The following KCNQ5 variants were observed in gnomAD, a reference collection of about 807,000 sequenced individuals.
The protein encoded by KCNQ5 is potassium voltage-gated channel subfamily KQT member 5.
Under a neutral mutation model 98.2 loss-of-function variants are expected in KCNQ5, and 30 were observed. That is an observed-to-expected ratio of 0.31 (90% CI 0.23 to 0.41). KCNQ5 has a LOEUF of 0.41. Among genes scored for constraint, KCNQ5 ranks in the 10% least tolerant of loss-of-function variants. The pLI is 1.00. For synonymous variants in KCNQ5, 458 were observed against 449.4 expected, an observed-to-expected ratio of 1.02 and a Z score of -0.24; for missense variants, 835 against 1,182.5, an observed-to-expected ratio of 0.71 and a Z score of 4.31.
chr6:72,662,406 TGTG>T (rs1445028739), intron 1 of KCNQ5, among the ~76,000 whole-genome samples: 2 of 152,188 alleles, frequency 1.3e-5, no homozygotes, highest in Non-Finnish European at 2.9e-5. Flanking sequence ...CAATCAGAAA[TGTG>T]GTGATGATAT....
intron 1 of KCNQ5, among the ~76,000 whole-genome samples, chr6:72,708,421 C>T: frequency 6.6e-6 from 1 of 152,256 alleles, no homozygotes; most frequent in African/African-American, 2.4e-5. Context: ...AAAAGGGAAA[C>T]TTCTTTTAGA....
chr6:73,157,751 T>C (rs1041242637), intron 10 of KCNQ5: 2 of 778,360 alleles, frequency 2.6e-6, no homozygotes, highest in Admixed American at 3.4e-5. Context: ...ATGAAGTAAG[T>C]GTGCTCCTAG....
chr6:73,085,990 A>T (rs1201958449), intron 5 of KCNQ5, among the ~76,000 whole-genome samples: 1 of 152,210 alleles, frequency 6.6e-6, no homozygotes, highest in African/African-American at 2.4e-5. Flanking sequence ...AGTATAGTAG[A>T]TTAATATCTG....
intron 1 of KCNQ5, among the ~76,000 whole-genome samples, chr6:72,728,830 T>A (rs972980206): frequency 1.3e-5 from 2 of 152,218 alleles, no homozygotes; most frequent in African/African-American, 4.8e-5. Context: ...TCTTGAGATT[T>A]CTAAAGTTCT....
At chr6:73,050,538 G>C (rs780750947) in intron 3 of KCNQ5, among the ~76,000 whole-genome samples, 1 of 152,068 alleles carries the variant, frequency 6.6e-6, no homozygotes, top group African/African-American at 2.4e-5. Context: ...TCAAAACCAG[G>C]ATATGAATAC....
chr6:72,734,033 G>A (rs953716820), intron 1 of KCNQ5, among the ~76,000 whole-genome samples: 9 of 152,190 alleles, frequency 5.9e-5, no homozygotes, highest in African/African-American at 2.2e-4. Flanking sequence ...TTGTTGGTTT[G>A]GGCAATAAAG....
chr6:72,891,618 T>G (rs1475335882), intron 1 of KCNQ5, among the ~76,000 whole-genome samples: 1 of 152,202 alleles, frequency 6.6e-6, no homozygotes, highest in African/African-American at 2.4e-5. Flanking sequence ...ATGTAATGAA[T>G]GCCTCAAAAA....
At chr6:73,024,381 T>TAGATAGATTAGATAGATAGATAGATA (rs57909943) in intron 2 of KCNQ5, among the ~76,000 whole-genome samples, 1 of 120,548 alleles carries the variant, frequency 8.3e-6, no homozygotes, top group Admixed American at 8.7e-5. Context: ...GATAGATAGA[T>TAGATAGATTAGATAGATAGATAGATA]GATAGATAGA....
At chr6:72,683,757 TAA>T (rs139944317) in intron 1 of KCNQ5, among the ~76,000 whole-genome samples, 11 of 144,588 alleles carry the variant, frequency 7.6e-5, no homozygotes, top group African/African-American at 1.5e-4. Flanking sequence ...TTTGGTGTGG[TAA>T]AAAAAAAAAA....
chr6:72,954,665 G>A (rs900246996), intron 1 of KCNQ5, among the ~76,000 whole-genome samples: 4 of 152,006 alleles, frequency 2.6e-5, no homozygotes, highest in African/African-American at 9.7e-5. Context: ...AGTCAGGGGT[G>A]GCAGGAATTT....
chr6:73,092,201 G>A (rs1258250115), intron 5 of KCNQ5, among the ~76,000 whole-genome samples: 2 of 152,008 alleles, frequency 1.3e-5, no homozygotes, highest in Non-Finnish European at 2.9e-5. Context: ...GTGTATAGAA[G>A]AGATACTGAT....
chr6:72,811,659 C>G (rs923089840), intron 1 of KCNQ5, among the ~76,000 whole-genome samples: 1 of 152,114 alleles, frequency 6.6e-6, no homozygotes, highest in Non-Finnish European at 1.5e-5. Flanking sequence ...AAGGATGATT[C>G]TTTCTGCCCC....
intron 1 of KCNQ5, among the ~76,000 whole-genome samples, chr6:72,704,369 G>T (rs551957732): frequency 6.8e-4 from 103 of 151,966 alleles, no homozygotes; most frequent in Non-Finnish European, 1.2e-3. Flanking sequence ...TTCACAATGT[G>T]CATGCTCTCT....
chr6:72,669,796 C>G (rs961223134), intron 1 of KCNQ5, among the ~76,000 whole-genome samples: 3 of 152,086 alleles, frequency 2.0e-5, no homozygotes, highest in African/African-American at 7.2e-5. Context: ...CCTGGCTGTG[C>G]TGAGATGGCT....
Position 72,853,468 on chromosome 6 carries a change from C to T in KCNQ5, c.399-150440C>T, listed in dbSNP as rs1362294489. On this transcript the variant is annotated intron_variant, in intron 1 of 13. Coordinates refer to ENST00000370398, the MANE Select transcript of KCNQ5 (RefSeq NM_019842.4). ...AAGCAATTCTCCTGTCTCAACCACC[C>T]GAGAAGCTGGGACTACAGGCACGTG... Among the ~76,000 whole-genome samples, 3 of 152,090 alleles carry T rather than the reference C, an allele frequency of 2.0e-5. 1 individual carries two copies. The highest frequency in any genetic ancestry group is 4.4e-5 in the Non-Finnish European group (3 of 68,028).
chr6:73,056,723 T>C (rs1307747723), intron 3 of KCNQ5, among the ~76,000 whole-genome samples: 2 of 152,098 alleles, frequency 1.3e-5, no homozygotes, highest in East Asian at 1.9e-4. Flanking sequence ...CTGTACTAAA[T>C]CCTTTTTCCA....
At chr6:72,717,475 T>C (rs945183606) in intron 1 of KCNQ5, among the ~76,000 whole-genome samples, 1 of 152,212 alleles carries the variant, frequency 6.6e-6, no homozygotes, top group African/African-American at 2.4e-5. Context: ...GAGAAATGGG[T>C]GACCACTCTA....
At chr6:72,971,912 C>A (rs1457445157) in intron 1 of KCNQ5, among the ~76,000 whole-genome samples, 1 of 152,078 alleles carries the variant, frequency 6.6e-6, no homozygotes, top group African/African-American at 2.4e-5. Context: ...GAGTGTAGCA[C>A]ACCAACATGG....
Position 72,939,693 on chromosome 6 carries a change from G to A in KCNQ5, c.399-64215G>A, listed in dbSNP as rs549675589. On this transcript the variant is annotated intron_variant, in intron 1 of 13. Transcript: ENST00000370398. ...CACTCACTCAACACATACTTGTCAG[G>A]CCTTATTATCTACTTAAACTTGATG... 9.3e-4 allele frequency among the ~76,000 whole-genome samples: 142 copies of A among 152,234 alleles called. 1 individual carries two copies. Among genetic ancestry groups the A allele is most frequent in the African/African-American group, 3.1e-3 (128 of 41,542 alleles).
Sources: gnomAD v4.1 joint callset for allele counts (sites outside exome capture counted in the v4.1 genomes callset) on GRCh38, gnomAD v4.1.1 for gene constraint, MANE v1.5 for transcripts, NCBI Gene and HGNC (gene_info 2026-07-23, HGNC 2026-07-21) for gene names.